FILIP1: variants seen among roughly 807,000 people sequenced by gnomAD.
FILIP1 encodes the protein filamin-A-interacting protein 1.
FILIP1 carries 61 observed loss-of-function variants against 102.1 expected under a neutral mutation model. That is an observed-to-expected ratio of 0.60 (90% confidence interval 0.49 to 0.74). FILIP1 has a LOEUF of 0.74. Ranked by LOEUF, FILIP1 falls within the 30% of genes least tolerant of loss-of-function variation. The pLI is 0.00. For missense variants in FILIP1, 1,314 were observed against 1,441.2 expected (o/e 0.91, Z 1.43); for synonymous variants, 491 against 526.9 (o/e 0.93, Z 0.93).
At chr6:75,402,723 T>A (rs1776699870) in intron 2 of FILIP1, among the ~76,000 whole-genome samples, 1 of 152,216 alleles carries the variant, frequency 6.6e-6, no homozygotes, top group Non-Finnish European at 1.5e-5. Flanking sequence ...CCAATGGAGT[T>A]ATGACATCTC....
chr6:75,450,711 G>A (rs1164699802), intron 1 of FILIP1, among the ~76,000 whole-genome samples: 2 of 150,172 alleles, frequency 1.3e-5, no homozygotes, highest in Non-Finnish European at 3.0e-5. Context: ...ATCTCAGCAT[G>A]TTGGGAGGCC....
Position 75,392,140 on chromosome 6 carries a change from T to C in FILIP1, c.276+22557A>G, listed in dbSNP as rs117164093. On this transcript the variant is annotated intron_variant, in intron 2 of 5. Coordinates refer to ENST00000237172, the MANE Select transcript of FILIP1 (RefSeq NM_015687.5). ...CAAACTGTTCATTCTCATTCTTCAT[T>C]GCTGAGTCCTCCTCATCCTCCCAGT... Among the ~76,000 whole-genome samples the C allele has an allele frequency of 4.2e-3, 635 of 152,290 alleles. 3 individuals carry two copies. The highest frequency in any genetic ancestry group is 6.5e-3 in the Admixed American group (100 of 15,286).
At chr6:75,415,281 C>A (rs975412671) in intron 1 of FILIP1, among the ~76,000 whole-genome samples, 2 of 151,818 alleles carry the variant, frequency 1.3e-5, no homozygotes, top group South Asian at 4.2e-4. Flanking sequence ...TTGTAACAAA[C>A]GTACTATACT....
At chr6:75,454,600 T>C (rs1778759139) in intron 1 of FILIP1, among the ~76,000 whole-genome samples, 2 of 152,200 alleles carry the variant, frequency 1.3e-5, no homozygotes, top group South Asian at 4.1e-4. Flanking sequence ...CTAAATGGAA[T>C]ACTGCTAACC....
chr6:75,405,916 C>T (rs1776830816), intron 2 of FILIP1, among the ~76,000 whole-genome samples: 1 of 152,062 alleles, frequency 6.6e-6, no homozygotes, highest in South Asian at 2.1e-4. Context: ...AAGTAGAAGG[C>T]AAAGAATTGA....
At chr6:75,461,033 C>T (rs545182599) in intron 1 of FILIP1, among the ~76,000 whole-genome samples, 1 of 152,254 alleles carries the variant, frequency 6.6e-6, no homozygotes, top group East Asian at 1.9e-4. Flanking sequence ...ACACGACCTC[C>T]CTCTCTATCT....
intron 1 of FILIP1, chr6:75,458,289 C>T (rs1778910380): frequency 1.3e-5 from 2 of 152,012 alleles, no homozygotes; most frequent in African/African-American, 2.4e-5. Context: ...TCCGACAGCA[C>T]ATCACAACAA....
At chr6:75,333,251 AT>A (rs892489544) in intron 4 of FILIP1, among the ~76,000 whole-genome samples, 4 of 151,978 alleles carry the variant, frequency 2.6e-5, no homozygotes, top group African/African-American at 4.8e-5. Context: ...ATTTTGCTAA[AT>A]TTTTTTTGAA....
At chr6:75,396,408 T>C (rs1776462585) in intron 2 of FILIP1, among the ~76,000 whole-genome samples, 1 of 152,026 alleles carries the variant, frequency 6.6e-6, no homozygotes, top group South Asian at 2.1e-4. Flanking sequence ...TGAGGATGCC[T>C]GAAGTAAAGC....
At chr6:75,325,911 C>G (rs1773831402) in intron 4 of FILIP1, among the ~76,000 whole-genome samples, 1 of 152,190 alleles carries the variant, frequency 6.6e-6, no homozygotes, top group Non-Finnish European at 1.5e-5. Flanking sequence ...TATTGGGGAT[C>G]TACCCAGGGG....
intron 1 of FILIP1, among the ~76,000 whole-genome samples, chr6:75,490,958 C>CAGCTGA (rs1355396768): frequency 1.3e-5 from 2 of 152,082 alleles, no homozygotes; most frequent in African/African-American, 4.8e-5. Flanking sequence ...AATGTGCCTG[C>CAGCTGA]AGCTGAGAAG....
chr6:75,386,051 T>A (rs1406046994), intron 2 of FILIP1: 1 of 152,068 alleles, frequency 6.6e-6, no homozygotes, highest in Non-Finnish European at 1.5e-5. Context: ...TACGATAGAG[T>A]CAATAAAATG....
intron 2 of FILIP1, among the ~76,000 whole-genome samples, chr6:75,368,840 T>G (rs1775424495): frequency 6.6e-6 from 1 of 152,166 alleles, no homozygotes; most frequent in Non-Finnish European, 1.5e-5. Context: ...CTTTGGAGTT[T>G]TTGAGCAGCA....
At position 75,355,950 on chromosome 6, in the gene FILIP1, G is replaced by A. The variant is rs1774981187; in HGVS notation, c.451-2233C>T. Among the ~76,000 whole-genome samples the A allele has an allele frequency of 2.6e-5, 4 of 152,266 alleles. No homozygotes were observed. The South Asian group carries it at 8.3e-4, about 32-fold the overall frequency. ...TCTTCATTTCGGGGTGCTGTGAGCT[G>A]GAGGATGTTTAGCAGCATCCCTGGC... On this transcript the variant is annotated intron_variant, in intron 3 of 5. Transcript: ENST00000237172.
intron 3 of FILIP1, among the ~76,000 whole-genome samples, chr6:75,358,936 A>T (rs1237750787): frequency 2.7e-5 from 4 of 150,888 alleles, no homozygotes; most frequent in Non-Finnish European, 4.4e-5. Context: ...GTCAGCCAGG[A>T]TGGTCTCGAT....
At chr6:75,482,465 A>G (rs1779673324) in intron 1 of FILIP1, among the ~76,000 whole-genome samples, 1 of 152,186 alleles carries the variant, frequency 6.6e-6, no homozygotes, top group African/African-American at 2.4e-5. Flanking sequence ...CTAATGAACT[A>G]CAGCCTGGTT....
At chr6:75,399,936 T>C (rs946807528) in intron 2 of FILIP1, among the ~76,000 whole-genome samples, 1 of 152,128 alleles carries the variant, frequency 6.6e-6, no homozygotes, top group Non-Finnish European at 1.5e-5. Flanking sequence ...AAGGAGGGGT[T>C]GGAGACTTTT....
At chr6:75,301,865 T>G (rs556427318) in intron 6 of FILIP1, among the ~76,000 whole-genome samples, 1 of 152,302 alleles carries the variant, frequency 6.6e-6, no homozygotes, top group South Asian at 2.1e-4. Context: ...GCAGCCCTTC[T>G]TCTCTGGATA....
rs1467638349 is a variant in FILIP1, at chr6:75,414,808, G to A, written c.165C>T (p.Val55=). 1 of 1,613,740 alleles carries A rather than the reference G, an allele frequency of 6.2e-7. No individual in the cohort carries two copies. The highest frequency in any genetic ancestry group is 8.5e-7 in the Non-Finnish European group (1 of 1,179,874). ...CTCCAGATGTTTTTAGGTGTCGTTT[G>A]ACAGTTCCTGAGGCCATGACATCAT... The part of the protein sequence containing the change: ...KEDDVMASGT[V]KRHLKTSGEC... Residue 55 remains valine (V), a synonymous_variant, in exon 2 of 6, where the codon GTC becomes GTT. Coordinates refer to ENST00000237172, the MANE Select transcript of FILIP1 (RefSeq NM_015687.5).
Sources: allele counts gnomAD v4.1 joint callset (sites outside exome capture counted in the v4.1 genomes callset), GRCh38; gene constraint gnomAD v4.1.1; transcripts MANE v1.5; gene names NCBI Gene and HGNC (gene_info 2026-07-23, HGNC 2026-07-21).